The following USH1C variants were observed in gnomAD, a reference collection of about 807,000 sequenced individuals.
USH1C encodes the protein USH1 protein network component harmonin.
USH1C carries 90 observed loss-of-function variants against 119.3 expected under a neutral mutation model. The ratio of observed to expected loss-of-function variants is 0.75; its 90% CI spans 0.64 to 0.90. The LOEUF is 0.90. Ranked by LOEUF, USH1C falls within the 40% of genes least tolerant of loss-of-function variation. The pLI, the probability that USH1C is intolerant of heterozygous loss-of-function variation, is 0.00. For synonymous variants in USH1C, 465 were observed against 443.3 expected, an observed-to-expected ratio of 1.05 and a Z score of -0.62; for missense variants, 1,165 against 1,167.7, an observed-to-expected ratio of 1.00 and a Z score of 0.03.
chr11:17,531,164 A>T lies in USH1C; in HGVS notation c.377T>A (p.Val126Asp), dbSNP rs1183120373. 1.2e-6 allele frequency: 2 copies of T among 1,614,078 alleles called. No individual in the cohort carries two copies. The highest frequency in any genetic ancestry group is 8.5e-7 in the Non-Finnish European group (1 of 1,180,026). ...HLIKGGQADSVGLQVGDEIVR... is the reference protein window; with the variant it reads ...HLIKGGQADSDGLQVGDEIVR... ...ACTCTGTTTGCTCACCTGGAGCCCG[A>T]CGCTGTCTGCCTGACCGCCTTTGAT... Residue 126 changes from valine (V) to aspartate (D), a missense_variant, in exon 4 of 27, where the codon GTC (valine) becomes GAC (aspartate). Physicochemically the swap from Val to Asp is radical, Grantham distance 152. Coordinates refer to ENST00000005226, the MANE Select transcript of USH1C (RefSeq NM_153676.4). This position sits in a 1 kb window ranked among gnomAD's most constrained non-coding sequence, Gnocchi z 4.2.
chr11:17,515,233 A>G (rs1457652624), intron 15 of USH1C, among the ~76,000 whole-genome samples: 2 of 152,226 alleles, frequency 1.3e-5, no homozygotes, highest in African/African-American at 4.8e-5. Flanking sequence ...GACCAGGACA[A>G]TGTGTGAAGG....
intron 14 of USH1C, 62 bp from the exon 15 acceptor site, chr11:17,516,352 C>T (rs1850144208): frequency 6.5e-7 from 1 of 1,537,480 alleles, no homozygotes; most frequent in East Asian, 2.3e-5. Flanking sequence ...CATCCATGGG[C>T]AGCAGATGGG....
At chr11:17,520,277 A>G (rs571864074) in intron 14 of USH1C, among the ~76,000 whole-genome samples, 137 of 152,130 alleles carry the variant, frequency 9.0e-4, no homozygotes, top group African/African-American at 3.2e-3. Context: ...TGGTAAGGAG[A>G]GTATGAGCTG....
At chr11:17,507,023 G>A (rs557350390) in intron 18 of USH1C, among the ~76,000 whole-genome samples, 2 of 152,220 alleles carry the variant, frequency 1.3e-5, no homozygotes, top group South Asian at 2.1e-4. Flanking sequence ...GATAGATCTG[G>A]CCCTGAAAAC....
At chr11:17,518,836 A>C (rs1359085540) in intron 14 of USH1C, among the ~76,000 whole-genome samples, 2 of 152,206 alleles carry the variant, frequency 1.3e-5, no homozygotes, top group Non-Finnish European at 2.9e-5. Context: ...CCTGACCAAC[A>C]TAGTGAAACC....
At chr11:17,526,210 A>T (rs1850662490) in intron 8 of USH1C, 137 bp downstream of exon 8, 14 of 741,830 alleles carry the variant, frequency 1.9e-5, no homozygotes, top group Middle Eastern at 6.9e-4. Flanking sequence ...CTAACAAAAA[A>T]AGTATCATCA....
intron 14 of USH1C, chr11:17,516,744 T>C (rs901350520): frequency 6.1e-5 from 17 of 277,474 alleles, no homozygotes; most frequent in Admixed American, 2.9e-4. Context: ...AGAACTGTTG[T>C]TCGACAGAAC....
chr11:17,501,586 C>A (rs1470174388), intron 21 of USH1C, 51 bp from the exon 22 acceptor site: 2 of 1,582,148 alleles, frequency 1.3e-6, no homozygotes, highest in East Asian at 4.6e-5. Flanking sequence ...AAGGATGGCG[C>A]TTGGGGTAGG....
At chr11:17,504,554 G>A in intron 20 of USH1C, 93 bp downstream of exon 20, 1 of 1,422,258 alleles carries the variant, frequency 7.0e-7, no homozygotes, top group Non-Finnish European at 9.9e-7. Context: ...CCATGGACCT[G>A]ACCAGGTACT....
At chr11:17,516,716 G>A (rs1850162195) in intron 14 of USH1C, 2 of 307,616 alleles carry the variant, frequency 6.5e-6, no homozygotes, top group African/African-American at 2.2e-5. Flanking sequence ...AGACAAAAGG[G>A]AGCCTGGGTG....
chr11:17,531,266 C>A lies in USH1C; in HGVS notation c.275G>T (p.Arg92Leu). The A allele has an allele frequency of 6.2e-7, 1 of 1,614,128 alleles. No individual in the cohort carries two copies. The highest frequency in any genetic ancestry group is 8.5e-7 in the Non-Finnish European group (1 of 1,180,044). The part of the protein sequence containing the change: ...SRKLKEVRLD[R>L]LHPEGLGLSV... Reference sequence around the variant, plus strand: ...CAGGCCGAGGCCTTCGGGGTGCAGACGGTCCAGACGCACCTCCTTCAGCTT... The same window carrying A: ...CAGGCCGAGGCCTTCGGGGTGCAGAAGGTCCAGACGCACCTCCTTCAGCTT... The change falls in exon 4 of 27, where the codon CGT becomes CTT. Residue 92 changes from arginine to leucine, a missense_variant. Transcript: ENST00000005226. The surrounding 1 kb of genome is among the most constrained non-coding windows in gnomAD (Gnocchi z 4.2).
intron 1 of USH1C, among the ~76,000 whole-genome samples, chr11:17,537,941 A>C (rs192511699): frequency 3.9e-4 from 60 of 152,344 alleles, no homozygotes; most frequent in African/African-American, 1.4e-3. Flanking sequence ...TACTGGCTCC[A>C]AAACCTCTGC....
intron 26 of USH1C, 33 bp from the exon 27 acceptor site, chr11:17,494,409 C>T (rs774238361): frequency 3.2e-6 from 5 of 1,579,796 alleles, no homozygotes; most frequent in Middle Eastern, 1.7e-4. Context: ...CAGGTGGATA[C>T]AGGCTTTGTG....
At chr11:17,498,985 G>A (rs910648068) in intron 23 of USH1C, among the ~76,000 whole-genome samples, 73 of 152,228 alleles carry the variant, frequency 4.8e-4, no homozygotes, top group African/African-American at 1.7e-3. Flanking sequence ...AAATGAAGCT[G>A]TAATAAGGTG....
chr11:17,517,308 G>T, intron 14 of USH1C: 3 of 1,298,204 alleles, frequency 2.3e-6, no homozygotes, highest in Non-Finnish European at 3.2e-6. Context: ...CACATGCTGG[G>T]CCCCTGAAGC....
At chr11:17,504,117 C>T (rs1281002485) in intron 20 of USH1C, among the ~76,000 whole-genome samples, 1 of 152,174 alleles carries the variant, frequency 6.6e-6, no homozygotes, top group Non-Finnish European at 1.5e-5. Context: ...CCTGATGCCA[C>T]TCAGAGGACC....
rs181100841 is a variant in USH1C at position 17,499,238 on chromosome 11, C to T, written c.2381-967G>A. ...TCCAGGTTACATTGAAATAGATCAC[C>T]CAGGAGCCTTGTGGCATGAAGGCCC... On this transcript the variant is annotated intron_variant, in intron 23 of 26. Coordinates refer to ENST00000005226, the MANE Select transcript of USH1C (RefSeq NM_153676.4). 1.4e-3 allele frequency among the ~76,000 whole-genome samples: 207 copies of T among 152,266 alleles called. 1 individual carries two copies. Among genetic ancestry groups the T allele is most frequent in the African/African-American group, 4.8e-3 (199 of 41,556 alleles).
Position 17,524,307 on chromosome 11 carries a change from T to C in USH1C, c.759+144A>G, listed in dbSNP as rs143040620. ...AACATCCCCAGTCTGTGAAGCCTTCTCTGCAGGGTGGGTAGGGCTCCTACT... is the reference window on the plus strand; with the variant it reads ...AACATCCCCAGTCTGTGAAGCCTTCCCTGCAGGGTGGGTAGGGCTCCTACT... On this transcript the variant is annotated intron_variant, in intron 9 of 26. Transcript: ENST00000005226. The C allele has an allele frequency of 4.7e-3, 4,026 of 863,940 alleles. 108 individuals are homozygous for C. The African/African-American group carries it at 0.059, about 13-fold the overall frequency. 53.5% of individuals were successfully genotyped at this position (863,940 alleles called of 1,614,324 possible). A position where few individuals can be genotyped will look rare whatever the true frequency, so the allele number is the denominator to read the frequency against.
intron 19 of USH1C, 140 bp from the exon 20 acceptor site, chr11:17,504,837 G>A: frequency 1.3e-6 from 1 of 799,620 alleles, no homozygotes; most frequent in Non-Finnish European, 2.1e-6. Context: ...TTACGTTAAA[G>A]GCCTGCTCAA....
Sources: gnomAD v4.1 joint callset for allele counts (sites outside exome capture counted in the v4.1 genomes callset) on GRCh38, gnomAD v4.1.1 for gene constraint, Gnocchi (gnomAD v3.1) non-coding constraint, MANE v1.5 for transcripts, NCBI Gene and HGNC (gene_info 2026-07-23, HGNC 2026-07-21) for gene names.